SCOC: variants seen among roughly 807,000 people sequenced by gnomAD.
SCOC encodes short coiled-coil protein.
In SCOC, 7 loss-of-function variants were observed where a neutral mutation model predicts 9.9. The ratio of observed to expected loss-of-function variants is 0.71; its 90% CI spans 0.40 to 1.33. The LOEUF (loss-of-function observed/expected upper bound fraction) is 1.33, where lower values mean the gene tolerates loss of function less well. Ranked by LOEUF, SCOC falls within the 40% of genes most tolerant of loss-of-function variation. The probability of loss-of-function intolerance (pLI) is 0.01; values close to 1 mark genes in which losing one functional copy is unlikely to be tolerated. For synonymous variants in SCOC, 19 were observed against 28.2 expected, an observed-to-expected ratio of 0.67 and a Z score of 1.03; for missense variants, 66 against 89.7, an observed-to-expected ratio of 0.74 and a Z score of 1.07.
At chr4:140,301,178 G>A (rs933026007) in intron 1 of SCOC, among the ~76,000 whole-genome samples, 16 of 152,082 alleles carry the variant, frequency 1.1e-4, no homozygotes, top group African/African-American at 3.9e-4. Flanking sequence ...GTCCTAGGAT[G>A]GCAGGATGAG....
At chr4:140,368,372 C>T (rs1053407454) in intron 2 of SCOC, among the ~76,000 whole-genome samples, 10 of 152,106 alleles carry the variant, frequency 6.6e-5, no homozygotes, top group South Asian at 2.1e-4. Flanking sequence ...TTGTATTATT[C>T]GTATTTATTA....
At chr4:140,370,233 G>C (rs537963281), upstream of SCOC, among the ~76,000 whole-genome samples, 2 of 152,120 alleles carry the variant, frequency 1.3e-5, no homozygotes, top group South Asian at 4.2e-4. Flanking sequence ...AATTTTTACT[G>C]TTTCAATTAT....
chr4:140,360,411 T>A (rs1338217333), intron 2 of SCOC, among the ~76,000 whole-genome samples: 3 of 152,168 alleles, frequency 2.0e-5, no homozygotes, highest in Non-Finnish European at 4.4e-5. Flanking sequence ...AGACATATGT[T>A]ATGATGAGGT....
intron 1 of SCOC, among the ~76,000 whole-genome samples, chr4:140,290,143 G>T (rs1731428313): frequency 6.6e-6 from 1 of 152,204 alleles, no homozygotes; most frequent in Admixed American, 6.5e-5. Context: ...AGAGCCCAGG[G>T]AACTGGTGTA....
intron 1 of SCOC, among the ~76,000 whole-genome samples, chr4:140,278,515 G>A (rs1731034094): frequency 6.6e-6 from 1 of 152,078 alleles, no homozygotes; most frequent in Non-Finnish European, 1.5e-5. Flanking sequence ...TAGCCAGGAT[G>A]GTCTCGATCT....
chr4:140,263,363 G>T (rs544595229), intron 1 of SCOC, among the ~76,000 whole-genome samples: 1 of 152,302 alleles, frequency 6.6e-6, no homozygotes, highest in South Asian at 2.1e-4. Flanking sequence ...ACTAGAATTT[G>T]CTGATGTACA....
At chr4:140,333,860 GA>G in intron 1 of SCOC, among the ~76,000 whole-genome samples, 1 of 152,202 alleles carries the variant, frequency 6.6e-6, no homozygotes, top group South Asian at 2.1e-4. Context: ...GTTGAATTAG[GA>G]AACATTATAT....
chr4:140,337,595 G>A lies in SCOC; in HGVS notation c.-18-6026G>A, dbSNP rs533049328. 7.2e-5 allele frequency among the ~76,000 whole-genome samples: 11 copies of A among 151,988 alleles called. No individual in the cohort carries two copies. In the South Asian group the frequency reaches 8.3e-4, roughly 11 times the overall value. On this transcript the variant is annotated intron_variant, in intron 1 of 4. Transcript: ENST00000394205. ...ATGTAGAGACAAGAATCAAATAGAC[G>A]CAATAAAAAATGATAAAGGGGATAT...
At chr4:140,358,059 G>A (rs146698358) in intron 2 of SCOC, among the ~76,000 whole-genome samples, 458 of 151,628 alleles carry the variant, frequency 3.0e-3, no homozygotes, top group African/African-American at 0.011. Flanking sequence ...TTGCTTTCTC[G>A]CCCTGGTCTC....
rs1728619854 is a variant in SCOC, at chr4:140,383,045, G to A, written c.*1941G>A. On this transcript the variant is annotated 3_prime_UTR_variant, in exon 4 of 4. Coordinates refer to ENST00000608372, the MANE Select transcript of SCOC (RefSeq NM_001153484.2). The stretch of plus-strand genomic sequence containing the variant: ...AAAAAGAACATGGAAGTGTACATAT[G>A]CAAGGTGTTATGGGCTGTGCCTGGA... 6.6e-6 allele frequency: 1 copy of A among 152,214 alleles called. No homozygotes were observed. Among genetic ancestry groups the A allele is most frequent in the Admixed American group, 6.5e-5 (1 of 15,280 alleles). The allele number at this position is 152,214 out of a possible 1,614,324, so 9.4% of individuals were successfully genotyped here. A position where few individuals can be genotyped will look rare whatever the true frequency, so the allele number is the denominator to read the frequency against.
At chr4:140,369,272 A>C (rs1349597533), upstream of SCOC, 1 of 449,872 alleles carries the variant, frequency 2.2e-6, no homozygotes, top group Non-Finnish European at 4.5e-6. Context: ...CTAGTTTTGA[A>C]ATCAAGTTTT....
upstream of SCOC, among the ~76,000 whole-genome samples, chr4:140,371,196 T>C (rs1728042229): frequency 6.6e-6 from 1 of 152,202 alleles, no homozygotes; most frequent in African/African-American, 2.4e-5. Flanking sequence ...GAATTCTTTA[T>C]ATTTTGAGAG....
intron 1 of SCOC, among the ~76,000 whole-genome samples, chr4:140,378,814 T>G (rs1473615750): frequency 6.6e-6 from 1 of 152,154 alleles, no homozygotes; most frequent in African/African-American, 2.4e-5. Context: ...GATTACATAT[T>G]TAAAATTTGT....
intron 2 of SCOC, among the ~76,000 whole-genome samples, chr4:140,353,908 T>C (rs1216522799): frequency 6.6e-6 from 1 of 152,026 alleles, no homozygotes; most frequent in Non-Finnish European, 1.5e-5. Flanking sequence ...CATTGTTCCC[T>C]TCTTTCTCCA....
chr4:140,328,563 T>G (rs1732719858), intron 1 of SCOC, among the ~76,000 whole-genome samples: 1 of 152,216 alleles, frequency 6.6e-6, no homozygotes, highest in African/African-American at 2.4e-5. Context: ...TTGTTTTTTC[T>G]GCTTCAAAAT....
chr4:140,327,003 C>T (rs978442410), intron 1 of SCOC, among the ~76,000 whole-genome samples: 12 of 152,196 alleles, frequency 7.9e-5, no homozygotes, highest in African/African-American at 2.9e-4. Context: ...ATCATTTTCA[C>T]AGCAAACCTT....
chr4:140,278,068 C>T (rs1306681193), intron 1 of SCOC, among the ~76,000 whole-genome samples: 2 of 152,164 alleles, frequency 1.3e-5, no homozygotes, highest in Non-Finnish European at 2.9e-5. Flanking sequence ...GTATAGTTGG[C>T]TAAAGGTGTT....
Position 140,306,786 on chromosome 4 carries a change from G to A in SCOC, c.-18-36835G>A, listed in dbSNP as rs544698160. 3.4e-3 allele frequency among the ~76,000 whole-genome samples: 491 copies of A among 144,794 alleles called. 4 individuals carry two copies. Among genetic ancestry groups the A allele is most frequent in the African/African-American group, 0.012 (467 of 37,432 alleles). 95.0% of individuals were successfully genotyped at this position (144,794 alleles called of 152,430 possible). ...CCTAGGAAGTATGTTGTAGGTAGGA[G>A]AAGGTGGGGAATGATCGACATTCCC... On this transcript the variant is annotated intron_variant, in intron 1 of 4. Coordinates refer to the SCOC transcript ENST00000394205.
At chr4:140,293,562 A>G (rs539244378) in intron 1 of SCOC, 17 of 368,904 alleles carry the variant, frequency 4.6e-5, no homozygotes, top group African/African-American at 3.4e-4. Flanking sequence ...GTGCAGTTTT[A>G]GGTAAGTCTT....
Sources: allele counts gnomAD v4.1 joint callset (sites outside exome capture counted in the v4.1 genomes callset), GRCh38; gene constraint gnomAD v4.1.1; transcripts MANE v1.5; gene names NCBI Gene and HGNC (gene_info 2026-07-23, HGNC 2026-07-21).